PITPNC1: variants seen among roughly 807,000 people sequenced by gnomAD.
PITPNC1 encodes the protein phosphatidylinositol transfer protein cytoplasmic 1.
A neutral mutation model predicts 44.7 loss-of-function variants in PITPNC1; 18 were observed. The observed-to-expected ratio is 0.40, with a 90% CI of 0.28 to 0.60. The LOEUF is 0.60. PITPNC1 is among the 20% of genes least tolerant of loss of function. PITPNC1 has a pLI of 0.39. For synonymous variants in PITPNC1, 141 were observed against 149.6 expected (o/e 0.94, Z 0.42); for missense variants, 290 against 418.4 (o/e 0.69, Z 2.68).
Position 67,445,764 on chromosome 17 carries a change from G to T in PITPNC1, c.48+67562G>T, listed in dbSNP as rs775647092. On this transcript the variant is annotated intron_variant, in intron 1 of 8. Coordinates refer to ENST00000581322, the MANE Select transcript of PITPNC1 (RefSeq NM_012417.4). ...CAGAGCGAAACTTTGTTATTCATGG[G>T]AGTGGATTTCTCCTGCTGAGAGAAT... Among the ~76,000 whole-genome samples the T allele has an allele frequency of 1.1e-4, 17 of 151,982 alleles. 1 individual carries two copies. Among genetic ancestry groups the T allele is most frequent in the Admixed American group, 5.3e-4 (8 of 15,204 alleles).
At chr17:67,688,751 C>T (rs184908906) in intron 8 of PITPNC1, among the ~76,000 whole-genome samples, 7 of 152,284 alleles carry the variant, frequency 4.6e-5, no homozygotes, top group Non-Finnish European at 1.0e-4. Context: ...ACTCTGAAAG[C>T]CATTCACTAT....
intron 1 of PITPNC1, among the ~76,000 whole-genome samples, chr17:67,386,488 C>A (rs189385757): frequency 3.2e-4 from 48 of 152,264 alleles, no homozygotes; most frequent in African/African-American, 1.1e-3. Flanking sequence ...CCACTGCGCC[C>A]CGCCTAAACT....
At chr17:67,517,420 C>T (rs1269390648) in intron 1 of PITPNC1, among the ~76,000 whole-genome samples, 1 of 152,158 alleles carries the variant, frequency 6.6e-6, no homozygotes, top group Non-Finnish European at 1.5e-5. Context: ...AATTCCATAT[C>T]CAAGGGAAAT....
At chr17:67,650,524 C>T (rs7214870) in intron 6 of PITPNC1, among the ~76,000 whole-genome samples, 3,811 of 143,880 alleles carry the variant, frequency 0.026, 161 homozygotes, top group African/African-American at 0.093. Flanking sequence ...TCTCAGCTCA[C>T]TGCAACCTCT....
intron 4 of PITPNC1, among the ~76,000 whole-genome samples, chr17:67,572,358 G>C (rs2041070207): frequency 6.6e-6 from 1 of 151,194 alleles, no homozygotes; most frequent in Admixed American, 6.6e-5. Flanking sequence ...AGAATGACTA[G>C]GTTAGATGGT....
intron 1 of PITPNC1, among the ~76,000 whole-genome samples, chr17:67,486,900 G>T (rs945395993): frequency 6.6e-6 from 1 of 151,952 alleles, no homozygotes; most frequent in East Asian, 2.0e-4. Context: ...GAGCGTGGTG[G>T]TGCATGTCTG....
chr17:67,418,405 G>A (rs1351396238), intron 1 of PITPNC1, among the ~76,000 whole-genome samples: 1 of 152,190 alleles, frequency 6.6e-6, no homozygotes, highest in East Asian at 1.9e-4. Context: ...TGGAATTTCA[G>A]TGTTTCATGC....
At position 67,491,598 on chromosome 17, in the gene PITPNC1, A is replaced by G. The variant is rs149504277; in HGVS notation, c.49-41204A>G. 2.1e-4 allele frequency among the ~76,000 whole-genome samples: 32 copies of G among 152,304 alleles called. No homozygotes were observed. The East Asian group carries it at 3.5e-3, about 17-fold the overall frequency. Reference sequence around the variant, plus strand: ...TGGTGGGAAATCAGATAATAAAAACATACGCCCAGGTGGGAGGGTCACTTG... The same window carrying G: ...TGGTGGGAAATCAGATAATAAAAACGTACGCCCAGGTGGGAGGGTCACTTG... On this transcript the variant is annotated intron_variant, in intron 1 of 8. Transcript: ENST00000581322.
In PITPNC1 at chr17:67,483,918, C is replaced by CTTT. The variant is rs60856668; in HGVS notation, c.49-48869_49-48867dup. On this transcript the variant is annotated intron_variant, in intron 1 of 8. Coordinates refer to ENST00000581322, the MANE Select transcript of PITPNC1 (RefSeq NM_012417.4). The stretch of plus-strand genomic sequence containing the variant: ...CTTCACCCTTGCTAACGTTTTCTTT[C>CTTT]TTTTTTTTTTTTTTTTTGAGGTGGA... 5.7e-4 allele frequency among the ~76,000 whole-genome samples: 64 copies of CTTT among 111,722 alleles called. 1 individual carries two copies. The highest frequency in any genetic ancestry group is 1.7e-3 in the African/African-American group (52 of 30,946). 73.3% of individuals were successfully genotyped at this position (111,722 alleles called of 152,430 possible). A position where few individuals can be genotyped will look rare whatever the true frequency, so the allele number is the denominator to read the frequency against.
chr17:67,579,088 C>A (rs964466208), intron 5 of PITPNC1, among the ~76,000 whole-genome samples: 1 of 152,240 alleles, frequency 6.6e-6, no homozygotes, highest in African/African-American at 2.4e-5. Context: ...ACACATCCTA[C>A]CTTAAAATCA....
At chr17:67,499,004 T>G (rs1229738936) in intron 1 of PITPNC1, among the ~76,000 whole-genome samples, 2 of 152,036 alleles carry the variant, frequency 1.3e-5, no homozygotes, top group Non-Finnish European at 2.9e-5. Context: ...CCAGAGTAGC[T>G]GGGCTTACAG....
intron 5 of PITPNC1, chr17:67,613,459 T>TA (rs902503116): frequency 1.4e-4 from 22 of 152,102 alleles, no homozygotes; most frequent in African/African-American, 4.8e-4. Flanking sequence ...TAAATAACGT[T>TA]AAAAAAGAGA....
chr17:67,642,522 G>A (rs1253348961), intron 6 of PITPNC1, among the ~76,000 whole-genome samples: 1 of 152,102 alleles, frequency 6.6e-6, no homozygotes, highest in African/African-American at 2.4e-5. Context: ...AGGAACATTT[G>A]GAAATAAAAA....
At chr17:67,678,787 A>G (rs1375141390) in intron 8 of PITPNC1, among the ~76,000 whole-genome samples, 1 of 152,148 alleles carries the variant, frequency 6.6e-6, no homozygotes, top group Non-Finnish European at 1.5e-5. Context: ...CTTCCACTCC[A>G]TTTTGGGGTA....
chr17:67,433,274 A>G (rs996079763), intron 1 of PITPNC1, among the ~76,000 whole-genome samples: 2 of 152,238 alleles, frequency 1.3e-5, no homozygotes, highest in Non-Finnish European at 2.9e-5. Flanking sequence ...GCAAAGCTAC[A>G]GGTGCAGAGC....
intron 6 of PITPNC1, among the ~76,000 whole-genome samples, chr17:67,634,643 T>C (rs905062152): frequency 6.6e-6 from 1 of 151,974 alleles, no homozygotes; most frequent in African/African-American, 2.4e-5. Flanking sequence ...AGAGAAATAG[T>C]CACACAGATA....
chr17:67,536,788 G>A (rs1339298617), intron 2 of PITPNC1, among the ~76,000 whole-genome samples: 2 of 152,196 alleles, frequency 1.3e-5, no homozygotes, highest in Non-Finnish European at 2.9e-5. Flanking sequence ...TCTGGCCAAT[G>A]AGACATGAGA....
intron 4 of PITPNC1, among the ~76,000 whole-genome samples, chr17:67,573,531 A>C (rs1461891237): frequency 6.7e-6 from 1 of 148,232 alleles, no homozygotes; most frequent in Admixed American, 6.7e-5. Context: ...AAAAGTAGAG[A>C]CAGGAAGCAC....
At chr17:67,511,573 A>G (rs1056648256) in intron 1 of PITPNC1, among the ~76,000 whole-genome samples, 2 of 152,092 alleles carry the variant, frequency 1.3e-5, no homozygotes, top group African/African-American at 4.8e-5. Flanking sequence ...CAGTGGTGCG[A>G]TCTCAGCTCA....
Sources: allele counts gnomAD v4.1 joint callset (sites outside exome capture counted in the v4.1 genomes callset), GRCh38; gene constraint gnomAD v4.1.1; transcripts MANE v1.5; gene names NCBI Gene and HGNC (gene_info 2026-07-23, HGNC 2026-07-21).